IPO9: variants seen among roughly 807,000 people sequenced by gnomAD.
IPO9 encodes the protein importin-9.
A neutral mutation model predicts 128.6 loss-of-function variants in IPO9; 28 were observed. That is an observed-to-expected ratio of 0.22 (90% CI 0.16 to 0.30). The LOEUF (loss-of-function observed/expected upper bound fraction) is 0.30. Among genes scored for constraint, IPO9 ranks in the 10% least tolerant of loss-of-function variants. The pLI is 1.00. For missense variants in IPO9, 935 were observed against 1,293.9 expected, an observed-to-expected ratio of 0.72 and a Z score of 4.26; for synonymous variants, 455 against 475.8, an observed-to-expected ratio of 0.96 and a Z score of 0.57.
chr1:201,830,464 T>TAA (rs1679813646), intron 1 of IPO9, among the ~76,000 whole-genome samples: 2 of 152,334 alleles, frequency 1.3e-5, no homozygotes, highest in African/African-American at 4.8e-5. Flanking sequence ...TGAAAACAAA[T>TAA]TTTCTTCTGT....
chr1:201,856,980 T>C, intron 10 of IPO9, 116 bp from the exon 11 acceptor site: 2 of 749,698 alleles, frequency 2.7e-6, no homozygotes, highest in Non-Finnish European at 4.7e-6. Flanking sequence ...AGCCATTGCA[T>C]CCAGCAAAAG....
At chr1:201,857,245 C>A in intron 11 of IPO9, 51 bp downstream of exon 11, 2 of 1,249,032 alleles carry the variant, frequency 1.6e-6, no homozygotes, top group Non-Finnish European at 2.4e-6. Context: ...GTCACTTGAG[C>A]ATTTCTTCTT....
intron 13 of IPO9, among the ~76,000 whole-genome samples, chr1:201,859,485 T>C (rs1680400788): frequency 6.6e-6 from 1 of 152,136 alleles, no homozygotes; most frequent in South Asian, 2.1e-4. Context: ...ATCTGGTTGC[T>C]GTACCTTGAG....
intron 16 of IPO9, among the ~76,000 whole-genome samples, chr1:201,869,370 A>C (rs1453230402): frequency 6.6e-6 from 1 of 152,218 alleles, no homozygotes; most frequent in African/African-American, 2.4e-5. Context: ...ATCCACTACC[A>C]TGTACTACTG....
In IPO9 at chr1:201,853,235, T is replaced by A; in HGVS notation, c.690+138T>A. 4.3e-6 allele frequency: 3 copies of A among 702,306 alleles called. No individual in the cohort carries two copies. The South Asian group carries it at 5.3e-5, about 12-fold the overall frequency. 43.5% of individuals were successfully genotyped at this position (702,306 alleles called of 1,614,324 possible). ...GATAGATTTAACATTTTTATTAAAT[T>A]ATTGTTGTTATTTTTCCAGACAGGG... On this transcript the variant is annotated intron_variant, in intron 6 of 23. Coordinates refer to ENST00000361565, the MANE Select transcript of IPO9 (RefSeq NM_018085.5).
chr1:201,858,479 A>G lies in IPO9; in HGVS notation c.1254A>G (p.Ala418=). Residue 418 remains alanine, a synonymous_variant, in exon 12 of 24, where the codon GCA becomes GCG. Transcript: ENST00000361565. The part of the protein sequence containing the change: ...AVATDFQNES[A]AALAAAATRH... ...CCACAGATTTCCAGAATGAAAGTGC[A>G]GCAGCCCTGGCTGCTGCAGCCACTC... 1 of 1,579,334 alleles carries G rather than the reference A, an allele frequency of 6.3e-7. No individual in the cohort carries two copies. Among genetic ancestry groups the G allele is most frequent in the Non-Finnish European group, 8.6e-7 (1 of 1,164,000 alleles).
chr1:201,873,228 T>TG (rs1246709212), intron 20 of IPO9, among the ~76,000 whole-genome samples: 1 of 151,758 alleles, frequency 6.6e-6, no homozygotes, highest in East Asian at 1.9e-4. Context: ...ATGGATCACT[T>TG]GAAGTCAGGA....
chr1:201,859,072 GAT>G (rs1470044478), intron 13 of IPO9, 78 bp downstream of exon 13: 2 of 1,418,594 alleles, frequency 1.4e-6, no homozygotes, highest in Non-Finnish European at 1.9e-6. Context: ...AGCATTAGGA[GAT>G]ATACCTGATG....
intron 10 of IPO9, 54 bp downstream of exon 10, chr1:201,855,988 A>C: frequency 7.2e-7 from 1 of 1,382,212 alleles, no homozygotes; most frequent in Non-Finnish European, 9.9e-7. Flanking sequence ...GTGCAACTTG[A>C]AGAATATGAG....
chr1:201,849,421 T>C (rs1269662030), intron 4 of IPO9, among the ~76,000 whole-genome samples: 1 of 152,270 alleles, frequency 6.6e-6, no homozygotes, highest in Non-Finnish European at 1.5e-5. Flanking sequence ...AATTCTTACC[T>C]GGACTTTAGT....
intron 13 of IPO9, among the ~76,000 whole-genome samples, chr1:201,862,244 G>A (rs1680463249): frequency 6.6e-6 from 1 of 152,136 alleles, no homozygotes; most frequent in Non-Finnish European, 1.5e-5. Context: ...GATTGCTTGA[G>A]TTCAGGAGTT....
Position 201,829,249 on chromosome 1 carries a change from C to T in IPO9, c.40C>T (p.Pro14Ser), listed in dbSNP as rs1465593037. 1.9e-6 allele frequency: 3 copies of T among 1,582,616 alleles called. No homozygotes were observed. The highest frequency in any genetic ancestry group is 1.4e-5 in the African/African-American group (1 of 71,952). ...AAAAGAASGL[P>S]GPVAQGLKEA... ...GGCAGCTGGTGCGGCCTCCGGGCTGCCGGGTCCAGTGGCACAAGGATTAAA... is the reference window on the plus strand; with the variant it reads ...GGCAGCTGGTGCGGCCTCCGGGCTGTCGGGTCCAGTGGCACAAGGATTAAA... Residue 14 changes from proline (P) to serine (S), a missense_variant, in exon 1 of 24, where the codon CCG becomes TCG. This residue lies in a region of IPO9 where 741 missense variants were observed against 1,019.1 expected (regional missense o/e 0.73). Transcript: ENST00000361565.
intron 12 of IPO9, 63 bp from the exon 13 acceptor site, chr1:201,858,792 C>G: frequency 2.0e-6 from 3 of 1,519,826 alleles, no homozygotes; most frequent in Non-Finnish European, 2.7e-6. Flanking sequence ...ATCTTGTTTC[C>G]TCAAATATTT....
chr1:201,863,669 C>T (rs1680494326), intron 14 of IPO9, 62 bp downstream of exon 14: 2 of 1,415,250 alleles, frequency 1.4e-6, no homozygotes, highest in Admixed American at 1.8e-5. Flanking sequence ...TATAACAAAT[C>T]ACAGTTTTCC....
chr1:201,878,269 TTA>T lies in IPO9; in HGVS notation c.*2217_*2218del, dbSNP rs1243242210. ...CCCTCGGCCTTGCAGACTCCATAGT[TTA>T]TCTCAAGGCAGTGCCAGTCGGATTT... On this transcript the variant is annotated 3_prime_UTR_variant, in exon 24 of 24. Transcript: ENST00000361565. 2 of 152,430 alleles carry T rather than the reference TTA, an allele frequency of 1.3e-5. No homozygotes were observed. Among genetic ancestry groups the T allele is most frequent in the African/African-American group, 4.8e-5 (2 of 41,428 alleles). The allele number at this position is 152,430 out of a possible 1,614,324, so 9.4% of individuals were successfully genotyped here. A position where few individuals can be genotyped will look rare whatever the true frequency, so the allele number is the denominator to read the frequency against.
At chr1:201,855,019 A>C in intron 8 of IPO9, 96 bp downstream of exon 8, 1 of 1,328,656 alleles carries the variant, frequency 7.5e-7, no homozygotes, top group South Asian at 1.3e-5. Flanking sequence ...CTTCTTACAC[A>C]GGCTTTTTTA....
Position 201,870,319 on chromosome 1 carries a change from C to T in IPO9, c.2134-264C>T, listed in dbSNP as rs1680623303. Among the ~76,000 whole-genome samples the T allele has an allele frequency of 6.6e-6, 1 of 152,040 alleles. No individual in the cohort carries two copies. Among genetic ancestry groups the T allele is most frequent in the South Asian group, 2.1e-4 (1 of 4,820 alleles). On this transcript the variant is annotated intron_variant, in intron 17 of 23. Transcript: ENST00000361565. The surrounding 1 kb of genome is among the most constrained non-coding windows in gnomAD (Gnocchi z 4.9). ...ACCTTTATGATTAAAATTCATTTTG[C>T]TTGGCCATTGTCCCTTGTGATTAAA...
chr1:201,855,077 A>G lies in IPO9; in HGVS notation c.912-47A>G, dbSNP rs1396067056. On this transcript the variant is annotated intron_variant, in intron 8 of 23. Coordinates refer to ENST00000361565, the MANE Select transcript of IPO9 (RefSeq NM_018085.5). ...AATATGTAACATTTCCATGTAGATTATATGTAAAGCAGACTCCAAATTCTA... is the reference window on the plus strand; with the variant it reads ...AATATGTAACATTTCCATGTAGATTGTATGTAAAGCAGACTCCAAATTCTA... The G allele has an allele frequency of 5.9e-6, 8 of 1,362,642 alleles. No individual in the cohort carries two copies. In the East Asian group the frequency reaches 1.2e-4, roughly 20 times the overall value. 84.4% of individuals were successfully genotyped at this position (1,362,642 alleles called of 1,614,324 possible).
rs1680863336 is a variant in IPO9 at position 201,880,413 on chromosome 1, T to G, written c.*4359T>G. On this transcript the variant is annotated 3_prime_UTR_variant, in exon 24 of 24. Coordinates refer to ENST00000361565, the MANE Select transcript of IPO9 (RefSeq NM_018085.5). ...CCTCTGCCAGAGGAAGGCTAAGATG[T>G]AGAGGACAAATCGTGTCAAGGAAAA... The G allele has an allele frequency of 6.6e-6, 1 of 152,130 alleles. No homozygotes were observed. The highest frequency in any genetic ancestry group is 1.5e-5 in the Non-Finnish European group (1 of 68,018). The allele number at this position is 152,130 out of a possible 1,614,324, so 9.4% of individuals were successfully genotyped here.
Sources: gnomAD v4.1 joint callset for allele counts (sites outside exome capture counted in the v4.1 genomes callset) on GRCh38, gnomAD v4.1.1 for gene constraint, gnomAD v4.1.1 regional missense constraint, Gnocchi (gnomAD v3.1) non-coding constraint, MANE v1.5 for transcripts, NCBI Gene and HGNC (gene_info 2026-07-23, HGNC 2026-07-21) for gene names.